CFAP92: variants seen among roughly 807,000 people sequenced by gnomAD.
CFAP92 encodes uncharacterized protein CFAP92.
A neutral mutation model predicts 106.3 loss-of-function variants in CFAP92; 86 were observed. The observed-to-expected ratio is 0.81, with a 90% CI of 0.68 to 0.97. CFAP92 has a LOEUF of 0.97. Among genes scored for constraint, CFAP92 ranks in the 50% least tolerant of loss-of-function variants. CFAP92 has a pLI of 0.00. For synonymous variants in CFAP92, 477 were observed against 506.4 expected (o/e 0.94, Z 0.78); for missense variants, 1,204 against 1,283.8 (o/e 0.94, Z 0.95).
intron 9 of CFAP92, among the ~76,000 whole-genome samples, chr3:128,955,609 G>A (rs1250665081): frequency 4.1e-5 from 2 of 48,642 alleles, no homozygotes; most frequent in Non-Finnish European, 6.0e-5. Context: ...GGGCGCCTCT[G>A]CCCGGCCGCC....
chr3:128,944,937 T>C, intron 10 of CFAP92, 134 bp downstream of exon 10: 4 of 768,556 alleles, frequency 5.2e-6, no homozygotes, highest in East Asian at 2.7e-5. Flanking sequence ...CCCTGGTAAG[T>C]ACCTCACAAT....
At chr3:128,917,479 G>A (rs144309300) in intron 12 of CFAP92, among the ~76,000 whole-genome samples, 1 of 152,244 alleles carries the variant, frequency 6.6e-6, no homozygotes, top group East Asian at 1.9e-4. Context: ...CTCTGCTGAG[G>A]GGTGACACCT....
chr3:128,971,132 T>G, intron 8 of CFAP92, 155 bp downstream of exon 8: 1 of 1,193,380 alleles, frequency 8.4e-7, no homozygotes, highest in Non-Finnish European at 1.2e-6. Flanking sequence ...TGTTTCCCCC[T>G]GTACTATGAA....
intron 12 of CFAP92, 129 bp from the exon 13 acceptor site, chr3:128,916,400 G>A: frequency 1.7e-6 from 1 of 592,084 alleles, no homozygotes. Context: ...CAATACTGGT[G>A]CTGTTATTTC....
chr3:128,972,243 C>A (rs748682495), intron 7 of CFAP92, among the ~76,000 whole-genome samples: 103 of 150,618 alleles, frequency 6.8e-4, no homozygotes, highest in Non-Finnish European at 1.3e-3. Context: ...TGAAGGATTT[C>A]TTTCTTTTTT....
chr3:128,974,508 G>A (rs1218300358), intron 7 of CFAP92, among the ~76,000 whole-genome samples: 1 of 152,162 alleles, frequency 6.6e-6, no homozygotes, highest in Non-Finnish European at 1.5e-5. Context: ...AGGATGCTGT[G>A]TTCTTCATTC....
upstream of CFAP92, among the ~76,000 whole-genome samples, chr3:128,995,834 C>T (rs184120550): frequency 5.3e-4 from 81 of 152,302 alleles, no homozygotes; most frequent in African/African-American, 1.7e-3. Flanking sequence ...GCTTAGAAAC[C>T]AGTGGCAGAT....
At chr3:128,970,518 AAGG>A (rs1426469684) in intron 8 of CFAP92, 2 of 152,234 alleles carry the variant, frequency 1.3e-5, no homozygotes, top group Non-Finnish European at 2.9e-5. Flanking sequence ...AAGAAAAAAA[AAGG>A]GGGGGAGTTC....
At chr3:128,911,900 GAGAACAGAGGGCTTT>G (rs1473402151) in intron 15 of CFAP92, among the ~76,000 whole-genome samples, 2 of 152,238 alleles carry the variant, frequency 1.3e-5, no homozygotes, top group African/African-American at 4.8e-5. Context: ...CCTTGGCCTA[GAGAACAGAGGGCTTT>G]GCTCGTGCTC....
chr3:128,945,813 G>A lies in CFAP92; in HGVS notation c.1516C>T (p.Pro506Ser), dbSNP rs1047684988. The change falls in exon 10 of 16, where the codon CCC becomes TCC. Residue 506 changes from proline (P) to serine (S), a missense_variant. Pro to Ser is a moderately conservative substitution (Grantham distance 74). Coordinates refer to ENST00000645291, the MANE Select transcript of CFAP92 (RefSeq NM_001394090.1). Reference sequence around the variant, plus strand: ...CGGTCGTGAACTTCCACCACCATGGGGGGGCCCTCCAGGTATTCCCTTAGG... The same window carrying A: ...CGGTCGTGAACTTCCACCACCATGGAGGGGCCCTCCAGGTATTCCCTTAGG... ...SDLREYLEGP[P>S]MVVEVHDRDR... The A allele has an allele frequency of 1.2e-5, 19 of 1,522,642 alleles. No homozygotes were observed. 94.3% of individuals were successfully genotyped at this position (1,522,642 alleles called of 1,614,324 possible). A position where few individuals can be genotyped will look rare whatever the true frequency, so the allele number is the denominator to read the frequency against.
chr3:128,910,655 A>G (rs1936185713), intron 15 of CFAP92: 1 of 1,392,472 alleles, frequency 7.2e-7, no homozygotes, highest in African/African-American at 1.5e-5. Flanking sequence ...CATGCTACCC[A>G]GTTTGGCTGA....
intron 1 of CFAP92, among the ~76,000 whole-genome samples, chr3:129,000,597 C>T (rs1040205610): frequency 6.6e-6 from 1 of 152,166 alleles, no homozygotes; most frequent in Non-Finnish European, 1.5e-5. Flanking sequence ...GCACCCCTCT[C>T]GTGAAAAAGA....
chr3:128,944,944 C>G, intron 10 of CFAP92, 127 bp downstream of exon 10: 1 of 840,804 alleles, frequency 1.2e-6, no homozygotes, highest in Non-Finnish European at 1.8e-6. Context: ...AAGTACCTCA[C>G]AATGAACCCC....
chr3:129,025,649 T>A, the CFAP92 span, among the ~76,000 whole-genome samples: 2 of 152,136 alleles, frequency 1.3e-5, no homozygotes, highest in African/African-American at 2.4e-5. Context: ...TTATAGCATG[T>A]GAGTGTGATG....
intron 12 of CFAP92, among the ~76,000 whole-genome samples, chr3:128,919,438 A>G (rs1937088665): frequency 6.6e-6 from 1 of 152,358 alleles, no homozygotes; most frequent in African/African-American, 2.4e-5. Context: ...GGGCAAAAGG[A>G]TATTGTATAT....
At chr3:128,956,994 A>AAAAAG (rs377096690) in intron 9 of CFAP92, among the ~76,000 whole-genome samples, 1,952 of 128,978 alleles carry the variant, frequency 0.015, 76 homozygotes, top group East Asian at 0.029. Context: ...AAAAAAAAAA[A>AAAAAG]AAAGAAATCA....
chr3:128,946,327 G>T (rs774218097), intron 9 of CFAP92, among the ~76,000 whole-genome samples: 1 of 132,352 alleles, frequency 7.6e-6, no homozygotes, highest in Non-Finnish European at 1.7e-5. Context: ...AAGGTACAGA[G>T]AAGTGATTTT....
intron 9 of CFAP92, among the ~76,000 whole-genome samples, chr3:128,960,019 T>C (rs973129415): frequency 1.3e-5 from 2 of 152,208 alleles, no homozygotes; most frequent in African/African-American, 4.8e-5. Flanking sequence ...AGAAGGTTCT[T>C]TGTAATTCTC....
intron 4 of CFAP92, 89 bp downstream of exon 4, chr3:128,987,527 T>C (rs1943933402): frequency 3.4e-6 from 4 of 1,162,210 alleles, no homozygotes; most frequent in African/African-American, 1.5e-5. Flanking sequence ...GCCAATTAGA[T>C]GAAGGAAACC....
Sources: allele counts gnomAD v4.1 joint callset (sites outside exome capture counted in the v4.1 genomes callset), GRCh38; gene constraint gnomAD v4.1.1; transcripts MANE v1.5; gene names NCBI Gene and HGNC (gene_info 2026-07-23, HGNC 2026-07-21).